Variants in CSMD1 observed in about 807,000 individuals in gnomAD.
CSMD1 encodes the protein CUB and Sushi multiple domains 1.
Under a neutral mutation model 417.5 loss-of-function variants are expected in CSMD1, and 213 were observed. The observed-to-expected ratio is 0.51, with a 90% CI of 0.46 to 0.57. The LOEUF (loss-of-function observed/expected upper bound fraction) is 0.57. Among genes scored for constraint, CSMD1 ranks in the 20% least tolerant of loss-of-function variants. CSMD1 has a pLI of 0.00. For missense variants in CSMD1, 6,923 were observed against 4,529.7 expected, an observed-to-expected ratio of 1.53 and a Z score of -15.17; for synonymous variants, 2,862 against 1,736.8, an observed-to-expected ratio of 1.65 and a Z score of -16.11.
At chr8:4,694,681 C>G (rs1807001695) in intron 1 of CSMD1, among the ~76,000 whole-genome samples, 2 of 152,030 alleles carry the variant, frequency 1.3e-5, no homozygotes, top group Admixed American at 1.3e-4. Flanking sequence ...TTCCTAGATA[C>G]ATTGATTGAT....
chr8:4,530,613 G>A (rs1241342419), intron 2 of CSMD1, among the ~76,000 whole-genome samples: 1 of 150,966 alleles, frequency 6.6e-6, no homozygotes, highest in Non-Finnish European at 1.5e-5. Context: ...TTCTGTTCCT[G>A]TATTAGTTTT....
chr8:4,202,814 A>G (rs1026935905), intron 3 of CSMD1, among the ~76,000 whole-genome samples: 2 of 152,232 alleles, frequency 1.3e-5, no homozygotes, highest in East Asian at 1.9e-4. Context: ...GAAAATACCT[A>G]GAAAAAGAGG....
intron 2 of CSMD1, among the ~76,000 whole-genome samples, chr8:4,616,027 G>A (rs772365618): frequency 2.6e-4 from 39 of 152,040 alleles, no homozygotes; most frequent in Non-Finnish European, 3.1e-4. Context: ...AGCAATTTTC[G>A]GATGAAATAA....
chr8:3,804,919 G>T (rs1249003416), intron 5 of CSMD1, among the ~76,000 whole-genome samples: 3 of 152,148 alleles, frequency 2.0e-5, no homozygotes, highest in African/African-American at 4.8e-5. Flanking sequence ...TAGAGTTTCA[G>T]GTTAGTAGCA....
At chr8:4,398,601 T>C (rs940484650) in intron 3 of CSMD1, among the ~76,000 whole-genome samples, 2 of 151,986 alleles carry the variant, frequency 1.3e-5, no homozygotes, top group Non-Finnish European at 2.9e-5. Context: ...TTCACCGTGT[T>C]AGCCAGGATT....
chr8:3,601,930 T>A (rs978969388), intron 8 of CSMD1, among the ~76,000 whole-genome samples: 1 of 152,040 alleles, frequency 6.6e-6, no homozygotes, highest in South Asian at 2.1e-4. Flanking sequence ...GCACATTCTG[T>A]CTATAGTGAT....
intron 26 of CSMD1, among the ~76,000 whole-genome samples, chr8:3,266,303 G>A (rs1187305137): frequency 6.6e-6 from 1 of 151,238 alleles, no homozygotes; most frequent in African/African-American, 2.4e-5. Flanking sequence ...TTCTGCAAGG[G>A]GCCGTTTAAG....
chr8:3,614,966 G>A (rs1802065759), intron 8 of CSMD1, among the ~76,000 whole-genome samples: 2 of 152,324 alleles, frequency 1.3e-5, no homozygotes, highest in Admixed American at 1.3e-4. Context: ...AGACATGACT[G>A]TTGACACAAG....
At chr8:4,836,681 C>A (rs1486930841) in intron 1 of CSMD1, among the ~76,000 whole-genome samples, 6 of 152,016 alleles carry the variant, frequency 3.9e-5, no homozygotes. Context: ...GTTTTTTATT[C>A]ATCTCGTCGC....
At chr8:3,905,941 C>T (rs2688402) in intron 5 of CSMD1, among the ~76,000 whole-genome samples, 83,689 of 151,722 alleles carry the variant, frequency 0.55, 25,306 homozygotes, top group South Asian at 0.66. Context: ...GTTTTTGGTG[C>T]CCCTCAACCA....
chr8:4,336,016 A>C (rs1317707529), intron 3 of CSMD1, among the ~76,000 whole-genome samples: 9 of 152,178 alleles, frequency 5.9e-5, no homozygotes, highest in Non-Finnish European at 7.4e-5. Flanking sequence ...AAGATTTGGT[A>C]CACTTACTTC....
intron 1 of CSMD1, among the ~76,000 whole-genome samples, chr8:4,656,701 G>A (rs375082161): frequency 3.3e-5 from 5 of 152,022 alleles, no homozygotes; most frequent in Admixed American, 6.6e-5. Context: ...ACCTGCCAGA[G>A]CAACAATGGG....
At chr8:4,236,226 C>G (rs1266986494) in intron 3 of CSMD1, among the ~76,000 whole-genome samples, 2 of 151,988 alleles carry the variant, frequency 1.3e-5, no homozygotes, top group Non-Finnish European at 2.9e-5. Context: ...GATCTATAAT[C>G]CATCGCATCA....
chr8:4,630,265 TACAC>T (rs57214957), intron 2 of CSMD1, among the ~76,000 whole-genome samples: 7,931 of 148,860 alleles, frequency 0.053, 541 homozygotes, highest in African/African-American at 0.16. Flanking sequence ...ACACAGCAAA[TACAC>T]ACACACACAC....
intron 2 of CSMD1, among the ~76,000 whole-genome samples, chr8:4,548,354 T>C (rs1041031318): frequency 6.6e-6 from 1 of 152,170 alleles, no homozygotes; most frequent in Non-Finnish European, 1.5e-5. Flanking sequence ...AAATACTCTA[T>C]CGTATTTTGT....
chr8:4,593,346 C>A (rs1319366990), intron 2 of CSMD1, among the ~76,000 whole-genome samples: 1 of 152,084 alleles, frequency 6.6e-6, no homozygotes, highest in Non-Finnish European at 1.5e-5. Context: ...ATGGCTAAAT[C>A]CTTGTTATTG....
Position 4,741,180 on chromosome 8 carries a change from T to G in CSMD1, c.86-103622A>C, listed in dbSNP as rs182098329. ...CAAGCACACTAGACACTTATGTAAG[T>G]GTCAGAGGCATTTCAACAGAAGACC... On this transcript the variant is annotated intron_variant, in intron 1 of 69. Coordinates refer to ENST00000635120, the MANE Select transcript of CSMD1 (RefSeq NM_033225.6). Among the ~76,000 whole-genome samples the G allele has an allele frequency of 7.0e-3, 1,067 of 152,262 alleles. 16 individuals carry two copies. Among genetic ancestry groups the G allele is most frequent in the African/African-American group, 0.024 (1,006 of 41,562 alleles).
At chr8:3,249,725 T>C (rs1800132919) in intron 26 of CSMD1, among the ~76,000 whole-genome samples, 1 of 149,338 alleles carries the variant, frequency 6.7e-6, no homozygotes, top group Non-Finnish European at 1.5e-5. Context: ...TATAATAAGC[T>C]CCAAGAAGCA....
chr8:3,330,615 G>C (rs560777986), intron 23 of CSMD1, among the ~76,000 whole-genome samples: 4 of 152,278 alleles, frequency 2.6e-5, no homozygotes, highest in Admixed American at 6.5e-5. Flanking sequence ...GATGAGAAGA[G>C]GGAGAGGATC....
Sources: gnomAD v4.1 joint callset for allele counts (sites outside exome capture counted in the v4.1 genomes callset) on GRCh38, gnomAD v4.1.1 for gene constraint, MANE v1.5 for transcripts, NCBI Gene and HGNC (gene_info 2026-07-23, HGNC 2026-07-21) for gene names.